The following ITPRID1 variants were observed in gnomAD, a reference collection of about 807,000 sequenced individuals.
ITPRID1 encodes the protein protein ITPRID1.
In ITPRID1, 96 loss-of-function variants were observed where a neutral mutation model predicts 95.4. That is an observed-to-expected ratio of 1.01 (90% confidence interval 0.85 to 1.19). ITPRID1 has a LOEUF of 1.19. ITPRID1 is among the 50% of genes most tolerant of loss of function. The pLI is 0.00. For synonymous variants in ITPRID1, 510 were observed against 453.6 expected (o/e 1.12, Z -1.58); for missense variants, 1,339 against 1,252.9 (o/e 1.07, Z -1.04).
Position 31,547,067 on chromosome 7 carries a change from C to T in ITPRID1, c.-97-2359C>T, listed in dbSNP as rs371176903. On this transcript the variant is annotated intron_variant, in intron 1 of 14. Transcript: ENST00000615280. The stretch of plus-strand genomic sequence containing the variant: ...ATGATGTGGTGAACGACATCAAATG[C>T]TGCCAAAAATTCTGAAATGATAAGA... Among the ~76,000 whole-genome samples the T allele has an allele frequency of 4.4e-4, 67 of 152,170 alleles. 1 individual carries two copies. In the South Asian group the frequency reaches 0.013, roughly 29 times the overall value.
At chr7:31,582,529 G>C (rs1785440637) in intron 9 of ITPRID1, among the ~76,000 whole-genome samples, 1 of 151,994 alleles carries the variant, frequency 6.6e-6, no homozygotes, top group Admixed American at 6.6e-5. Flanking sequence ...GAGATTATAG[G>C]CATGAGTTAT....
At chr7:31,639,093 T>C (rs1738092021) in intron 10 of ITPRID1, among the ~76,000 whole-genome samples, 1 of 152,132 alleles carries the variant, frequency 6.6e-6, no homozygotes, top group South Asian at 2.1e-4. Flanking sequence ...TTGATTTTCA[T>C]GTGCCTTGGT....
chr7:31,518,423 C>T (rs1179386884), intron 1 of ITPRID1: 2 of 152,268 alleles, frequency 1.3e-5, no homozygotes, highest in Non-Finnish European at 2.9e-5. Context: ...ATAATAGGCT[C>T]TTCTAGGTGA....
intron 10 of ITPRID1, among the ~76,000 whole-genome samples, chr7:31,599,898 CTA>C (rs1357917681): frequency 6.6e-6 from 1 of 151,938 alleles, no homozygotes; most frequent in Non-Finnish European, 1.5e-5. Flanking sequence ...CGGGGTTTCA[CTA>C]TGTTAGCCAG....
At chr7:31,548,611 A>C (rs1399120273) in intron 1 of ITPRID1, among the ~76,000 whole-genome samples, 1 of 152,064 alleles carries the variant, frequency 6.6e-6, no homozygotes, top group Non-Finnish European at 1.5e-5. Flanking sequence ...GTCTCCAGGA[A>C]GGGTGGAAGA....
chr7:31,631,028 T>C (rs1788944854), intron 10 of ITPRID1, among the ~76,000 whole-genome samples: 1 of 152,156 alleles, frequency 6.6e-6, no homozygotes, highest in African/African-American at 2.4e-5. Flanking sequence ...ACTCAAGAAG[T>C]AGGTATCCAG....
chr7:31,606,109 T>G (rs1227553425), intron 10 of ITPRID1, among the ~76,000 whole-genome samples: 2 of 152,056 alleles, frequency 1.3e-5, no homozygotes, highest in Non-Finnish European at 2.9e-5. Context: ...TCTAAGGGAG[T>G]TTCAAAGTTC....
intron 10 of ITPRID1, among the ~76,000 whole-genome samples, chr7:31,612,121 A>G (rs985987408): frequency 2.0e-5 from 3 of 151,698 alleles, no homozygotes; most frequent in African/African-American, 7.3e-5. Context: ...GCCATCTCAG[A>G]TCTGATGTTG....
intron 10 of ITPRID1, among the ~76,000 whole-genome samples, chr7:31,630,265 T>C (rs894114595): frequency 6.6e-4 from 68 of 103,040 alleles, no homozygotes; most frequent in Admixed American, 2.3e-3. Context: ...AAAAAAAACA[T>C]TGAAAATTAA....
intron 10 of ITPRID1, among the ~76,000 whole-genome samples, chr7:31,600,017 T>C (rs1057449687): frequency 2.0e-5 from 3 of 152,146 alleles, no homozygotes; most frequent in Non-Finnish European, 4.4e-5. Flanking sequence ...CTATATTTTC[T>C]ATGTGTTTGA....
Position 31,540,831 on chromosome 7 carries a change from C to T in ITPRID1, c.-97-8595C>T, listed in dbSNP as rs752091587. ...TCAGAAAGTGACATTATTTACTTAC[C>T]ACTGATCAGAAACCCTCTACAGGGA... On this transcript the variant is annotated intron_variant, in intron 1 of 14. Transcript: ENST00000615280. 2.6e-5 allele frequency among the ~76,000 whole-genome samples: 4 copies of T among 152,076 alleles called. No homozygotes were observed. In the South Asian group the frequency reaches 6.2e-4, roughly 24 times the overall value.
chr7:31,518,101 G>A (rs1293061277), intron 1 of ITPRID1: 2 of 152,596 alleles, frequency 1.3e-5, no homozygotes, highest in Non-Finnish European at 2.9e-5. Flanking sequence ...AGGCAGAAGA[G>A]TCAGGGTCAG....
intron 1 of ITPRID1, among the ~76,000 whole-genome samples, chr7:31,526,586 T>A (rs1283831140): frequency 6.6e-6 from 1 of 152,192 alleles, no homozygotes; most frequent in Non-Finnish European, 1.5e-5. Flanking sequence ...GTTATAATCA[T>A]CTCATTATCT....
In ITPRID1 at chr7:31,642,815, G is replaced by A. The variant is rs1197617989; in HGVS notation, c.1445G>A (p.Ser482Asn). 1.4e-5 allele frequency: 22 copies of A among 1,613,722 alleles called. No homozygotes were observed. Among genetic ancestry groups the A allele is most frequent in the Non-Finnish European group, 1.8e-5 (21 of 1,179,804 alleles). ...SDGPDSKSRA[S>N]MSFSSQEANA... ...GGGCCAGATTCCAAAAGTAGGGCGA[G>A]CATGTCTTTTTCAAGCCAAGAAGCG... The change falls in exon 12 of 15, where the codon AGC becomes AAC. Residue 482 changes from serine (S) to asparagine (N), a missense_variant. Ser to Asn is a conservative substitution (Grantham distance 46, BLOSUM62 1). Coordinates refer to ENST00000615280, the MANE Select transcript of ITPRID1 (RefSeq NM_001257967.3).
chr7:31,655,379 C>T lies in ITPRID1; in HGVS notation c.*2550C>T, dbSNP rs1407016483. ...CAGAAGTTTCCTCAGAACGAATTAC[C>T]TGGCGACAGTGCAACATAGGTGCTT... On this transcript the variant is annotated 3_prime_UTR_variant, in exon 15 of 15. Transcript: ENST00000615280. 6.6e-6 allele frequency among the ~76,000 whole-genome samples: 1 copy of T among 152,170 alleles called. No individual in the cohort carries two copies. Among genetic ancestry groups the T allele is most frequent in the African/African-American group, 2.4e-5 (1 of 41,436 alleles).
chr7:31,551,583 A>G (rs1158091941), intron 2 of ITPRID1, among the ~76,000 whole-genome samples: 4 of 143,758 alleles, frequency 2.8e-5, no homozygotes, highest in African/African-American at 9.8e-5. Flanking sequence ...CAGCCATCAT[A>G]ATTATTGATT....
intron 10 of ITPRID1, among the ~76,000 whole-genome samples, chr7:31,603,574 T>C (rs1388576550): frequency 6.6e-6 from 1 of 152,160 alleles, no homozygotes; most frequent in East Asian, 1.9e-4. Context: ...CACACTACAC[T>C]TGTTTGGGGC....
chr7:31,578,127 C>T lies in ITPRID1; in HGVS notation c.863C>T (p.Thr288Ile). Residue 288 changes from threonine (T) to isoleucine (I), a missense_variant, in exon 9 of 15, where the codon ACA (threonine) becomes ATA (isoleucine). By Grantham distance (89) the Thr-to-Ile change is moderately conservative. Coordinates refer to ENST00000615280, the MANE Select transcript of ITPRID1 (RefSeq NM_001257967.3). ...AAGGATGAAGTTTTTGTTCCCTTTA[C>T]AAAACCATGGGATTGTGGAGCAGAG... is the stretch of plus-strand genomic sequence containing the variant. ...KVKDEVFVPF[T>I]KPWDCGAELA... 1.2e-6 allele frequency: 2 copies of T among 1,613,692 alleles called. No homozygotes were observed. Among genetic ancestry groups the T allele is most frequent in the East Asian group, 2.2e-5 (1 of 44,812 alleles).
chr7:31,615,756 T>C (rs1413644372), intron 10 of ITPRID1, among the ~76,000 whole-genome samples: 1 of 151,372 alleles, frequency 6.6e-6, no homozygotes. Flanking sequence ...AGAATTCTTT[T>C]TTTTTTTTTT....
Sources: gnomAD v4.1 joint callset for allele counts (sites outside exome capture counted in the v4.1 genomes callset) on GRCh38, gnomAD v4.1.1 for gene constraint, MANE v1.5 for transcripts, NCBI Gene and HGNC (gene_info 2026-07-23, HGNC 2026-07-21) for gene names.